The following OR4K1 variants were observed in gnomAD, a reference collection of about 807,000 sequenced individuals.
OR4K1 encodes olfactory receptor family 4 subfamily K member 1.
OR4K1 carries 16 observed loss-of-function variants against 14.4 expected under a neutral mutation model. The observed-to-expected ratio is 1.11, with a 90% CI of 0.75 to 1.68. OR4K1 has a LOEUF of 1.68. Ranked by LOEUF, OR4K1 falls within the 40% of genes most tolerant of loss-of-function variation. The pLI, the probability that OR4K1 is intolerant of heterozygous loss-of-function variation, is 0.00. For missense variants in OR4K1, 548 were observed against 376.9 expected, an observed-to-expected ratio of 1.45 and a Z score of -3.76; for synonymous variants, 181 against 133.1, an observed-to-expected ratio of 1.36 and a Z score of -2.48.
At chr14:19,920,482 C>A in the OR4K1 span, 1 of 1,277,526 alleles carries the variant, frequency 7.8e-7, no homozygotes, top group Non-Finnish European at 1.1e-6. Context: ...TTGCATTCAG[C>A]AAATGCACAT....
rs1882173866 is a variant in OR4K1, at chr14:19,931,076, A to G, written c.-89A>G. On this transcript the variant is annotated 5_prime_UTR_variant, in exon 1 of 2. Coordinates refer to ENST00000641172, the MANE Select transcript of OR4K1 (RefSeq NM_001004063.3). ...ACTCATAGCAGAAAGTGGGAAATGG[A>G]AACAAACCAGAGGACACCAAACTGG... The G allele has an allele frequency of 6.6e-6, 1 of 152,398 alleles. No individual in the cohort carries two copies. The highest frequency in any genetic ancestry group is 2.4e-5 in the African/African-American group (1 of 41,476). 9.4% of individuals were successfully genotyped at this position (152,398 alleles called of 1,614,324 possible).
At chr14:19,922,254 T>C in the OR4K1 span, among the ~76,000 whole-genome samples, 1 of 152,258 alleles carries the variant, frequency 6.6e-6, no homozygotes, top group African/African-American at 2.4e-5. Context: ...GAGAGGAGAA[T>C]CTAGAAAGCT....
At chr14:19,920,366 G>A in the OR4K1 span, among the ~76,000 whole-genome samples, 1 of 152,128 alleles carries the variant, frequency 6.6e-6, no homozygotes, top group Non-Finnish European at 1.5e-5. Context: ...AACTCAAGGG[G>A]TTCTAATTAT....
Position 19,935,658 on chromosome 14 carries a change from A to G in OR4K1, c.-9A>G, listed in dbSNP as rs757305748. The G allele has an allele frequency of 1.9e-6, 3 of 1,574,642 alleles. No homozygotes were observed. Among genetic ancestry groups the G allele is most frequent in the Non-Finnish European group, 1.7e-6 (2 of 1,164,198 alleles). ...ATTTCTTTTTTTTAGGTAACTGAAT[A>G]TTGGATACATGGCTCACACAAATGA... is the stretch of plus-strand genomic sequence containing the variant. On this transcript the variant is annotated 5_prime_UTR_variant, in exon 2 of 2. The change creates a new upstream start codon in the 5' untranslated region. Transcript: ENST00000641172.
chr14:19,923,695 A>C, the OR4K1 span, among the ~76,000 whole-genome samples: 1 of 152,254 alleles, frequency 6.6e-6, no homozygotes, highest in Non-Finnish European at 1.5e-5. Flanking sequence ...AAATTATAAA[A>C]TTTAACAAAA....
Position 19,935,939 on chromosome 14 carries a change from T to C in OR4K1, c.273T>C (p.Thr91=). The C allele has an allele frequency of 6.2e-7, 1 of 1,614,242 alleles. No homozygotes were observed. Among genetic ancestry groups the C allele is most frequent in the Non-Finnish European group, 8.5e-7 (1 of 1,180,034 alleles). Residue 91 remains threonine, a synonymous_variant, in exon 2 of 2, where the codon ACT becomes ACC. Coordinates refer to ENST00000641172, the MANE Select transcript of OR4K1 (RefSeq NM_001004063.3). ...MLVDFFIERK[T]ISFEGCMAQI... is the part of the protein sequence containing the mutation. The stretch of plus-strand genomic sequence containing the variant: ...TAGACTTTTTTATTGAGCGCAAGAC[T>C]ATCTCCTTTGAGGGTTGCATGGCCC...
the OR4K1 span, among the ~76,000 whole-genome samples, chr14:19,922,472 T>A: frequency 6.6e-6 from 1 of 152,214 alleles, no homozygotes. Flanking sequence ...AGAACCTCTC[T>A]CCATCTAGGG....
chr14:19,936,147 G>C lies in OR4K1; in HGVS notation c.481G>C (p.Ala161Pro). 6.2e-7 allele frequency: 1 copy of C among 1,614,228 alleles called. No individual in the cohort carries two copies. The highest frequency in any genetic ancestry group is 8.5e-7 in the Non-Finnish European group (1 of 1,180,030). Residue 161 changes from alanine (A) to proline (P), a missense_variant, in exon 2 of 2, where the codon GCT becomes CCT. Transcript: ENST00000641172. ...CGTTCTTCATTCTGTGAGCCACTTGGCTTTTACAGTGGACCTGCCATTCTG... is the reference window on the plus strand; with the variant it reads ...CGTTCTTCATTCTGTGAGCCACTTGCCTTTTACAGTGGACCTGCCATTCTG... ...VGVLHSVSHL[A>P]FTVDLPFCGP...
upstream of OR4K1, among the ~76,000 whole-genome samples, chr14:19,930,113 T>A (rs1479735251): frequency 5.3e-5 from 8 of 150,496 alleles, no homozygotes; most frequent in East Asian, 1.3e-3. Context: ...AATATTATAT[T>A]TCCCCACTCT....
the OR4K1 span, among the ~76,000 whole-genome samples, chr14:19,922,074 C>CAT: frequency 7.7e-5 from 10 of 129,176 alleles, no homozygotes; most frequent in Non-Finnish European, 1.6e-4. Context: ...GAGACTCCCC[C>CAT]CCCCAAAAAT....
At chr14:19,933,199 A>T (rs747224816) in intron 1 of OR4K1, among the ~76,000 whole-genome samples, 5 of 151,220 alleles carry the variant, frequency 3.3e-5, no homozygotes, top group Admixed American at 6.6e-5. Context: ...TAGAAGTATA[A>T]TCTAAATTTA....
upstream of OR4K1, among the ~76,000 whole-genome samples, chr14:19,925,935 C>A (rs569482896): frequency 6.6e-6 from 1 of 152,352 alleles, no homozygotes; most frequent in African/African-American, 2.4e-5. Flanking sequence ...CAGGAAAAAA[C>A]AGAGTAGGTG....
the OR4K1 span, among the ~76,000 whole-genome samples, chr14:19,924,460 G>A: frequency 6.8e-6 from 1 of 147,128 alleles, no homozygotes; most frequent in Admixed American, 6.8e-5. Context: ...CTATCATTTG[G>A]TAAACTCAAA....
rs150151690 is a variant in OR4K1, at chr14:19,936,185, G to A, written c.519G>A (p.Glu173=). The part of the protein sequence containing the change: ...TVDLPFCGPN[E]VDSFFCDLPL... ...ACCTGCCATTCTGTGGTCCCAATGAGGTGGATAGCTTCTTTTGTGACCTTC... is the reference window on the plus strand; with the variant it reads ...ACCTGCCATTCTGTGGTCCCAATGAAGTGGATAGCTTCTTTTGTGACCTTC... Residue 173 remains glutamate, a synonymous_variant, in exon 2 of 2, where the codon GAG becomes GAA. Coordinates refer to ENST00000641172, the MANE Select transcript of OR4K1 (RefSeq NM_001004063.3). The A allele has an allele frequency of 8.7e-6, 14 of 1,614,134 alleles. No individual in the cohort carries two copies. In the African/African-American group the frequency reaches 1.3e-4, roughly 15 times the overall value.
At chr14:19,930,139 A>G (rs1252347731), upstream of OR4K1, among the ~76,000 whole-genome samples, 4 of 152,172 alleles carry the variant, frequency 2.6e-5, no homozygotes, top group Admixed American at 2.0e-4. Context: ...TTATATATAT[A>G]TATGTACTTA....
the OR4K1 span, chr14:19,921,674 G>C: frequency 3.6e-5 from 45 of 1,246,176 alleles, no homozygotes; most frequent in African/African-American, 5.3e-4. Context: ...TAGTGAAGAA[G>C]ATAATATAGA....
upstream of OR4K1, among the ~76,000 whole-genome samples, chr14:19,926,802 A>G (rs1882072375): frequency 6.6e-6 from 1 of 152,260 alleles, no homozygotes; most frequent in African/African-American, 2.4e-5. Flanking sequence ...TCCATGATAA[A>G]TAAGGACATT....
At chr14:19,934,579 C>T (rs1882259872) in intron 1 of OR4K1, among the ~76,000 whole-genome samples, 1 of 152,234 alleles carries the variant, frequency 6.6e-6, no homozygotes, top group South Asian at 2.1e-4. Flanking sequence ...GTGTTCTTGA[C>T]CTTCAGAGAA....
chr14:19,928,516 CT>C (rs1184298727), upstream of OR4K1, among the ~76,000 whole-genome samples: 11 of 151,984 alleles, frequency 7.2e-5, no homozygotes, highest in South Asian at 6.2e-4. Context: ...CAATAGAAAG[CT>C]TTTTTTTAAA....
Sources: allele counts gnomAD v4.1 joint callset (sites outside exome capture counted in the v4.1 genomes callset), GRCh38; gene constraint gnomAD v4.1.1; transcripts MANE v1.5; gene names NCBI Gene and HGNC (gene_info 2026-07-23, HGNC 2026-07-21).